Variants in HLTF observed in about 807,000 individuals in gnomAD.
The protein encoded by HLTF is helicase like transcription factor.
Under a neutral mutation model 129.4 loss-of-function variants are expected in HLTF, and 127 were observed. That is an observed-to-expected ratio of 0.98 (90% CI 0.85 to 1.14). The LOEUF (loss-of-function observed/expected upper bound fraction) is 1.14. Ranked by LOEUF, HLTF falls within the 50% of genes most tolerant of loss-of-function variation. The pLI is 0.00. For synonymous variants in HLTF, 332 were observed against 388.8 expected (o/e 0.85, Z 1.72); for missense variants, 1,139 against 1,187.1 (o/e 0.96, Z 0.60).
At chr3:149,034,842 ATATAT>A (rs1177138345) in intron 24 of HLTF, 71 bp downstream of exon 24, 5 of 919,050 alleles carry the variant, frequency 5.4e-6, no homozygotes, top group Non-Finnish European at 9.0e-6. Flanking sequence ...AATCATAATA[ATATAT>A]TCATGCATTA....
intron 20 of HLTF, among the ~76,000 whole-genome samples, chr3:149,040,750 TG>T (rs1231926560): frequency 1.3e-5 from 2 of 152,208 alleles, no homozygotes; most frequent in East Asian, 3.9e-4. Flanking sequence ...GGGTTACTTT[TG>T]GGGAAGAGGG....
rs1268903180 is a variant in HLTF at position 149,055,166 on chromosome 3, CTGA to C, written c.1473+134_1473+136del. 8.9e-6 allele frequency: 5 copies of C among 561,232 alleles called. No homozygotes were observed. The East Asian group carries it at 1.2e-4, about 14-fold the overall frequency. 34.8% of individuals were successfully genotyped at this position (561,232 alleles called of 1,614,324 possible). A position where few individuals can be genotyped will look rare whatever the true frequency, so the allele number is the denominator to read the frequency against. On this transcript the variant is annotated intron_variant, in intron 14 of 24. Transcript: ENST00000310053. ...ATTCAGCAAACATAATCCAATTCAC[CTGA>C]TGATTATTTGAACTTAGATACGAAC...
At chr3:149,076,644 T>C (rs1719380656) in intron 2 of HLTF, among the ~76,000 whole-genome samples, 1 of 152,154 alleles carries the variant, frequency 6.6e-6, no homozygotes, top group Non-Finnish European at 1.5e-5. Context: ...GAAAAATATA[T>C]CCAGCCTTCA....
chr3:149,049,050 G>A, intron 15 of HLTF, 49 bp from the exon 16 acceptor site: 1 of 1,278,616 alleles, frequency 7.8e-7, no homozygotes, highest in South Asian at 1.3e-5. Context: ...AAGTAAAATA[G>A]TACTTAATAT....
intron 2 of HLTF, among the ~76,000 whole-genome samples, chr3:149,076,997 C>A (rs930023086): frequency 1.3e-5 from 2 of 152,070 alleles, no homozygotes; most frequent in Non-Finnish European, 2.9e-5. Context: ...GCTCACGCCC[C>A]CAGCACTTTG....
Position 149,084,827 on chromosome 3 carries a change from A to G in HLTF, c.83T>C (p.Leu28Pro). 6.2e-7 allele frequency: 1 copy of G among 1,614,102 alleles called. No individual in the cohort carries two copies. The highest frequency in any genetic ancestry group is 8.5e-7 in the Non-Finnish European group (1 of 1,179,978). ...ACGTGGAAAGAAAGTTGGATATGAG[A>G]GGCGTGGAAAATTTCCATGAACTCC... ...QYGVHGNFPR[L>P]SYPTFFPRFE... Residue 28 changes from leucine (L) to proline (P), a missense_variant, in exon 2 of 25, where the codon CTC becomes CCC. Coordinates refer to ENST00000310053, the MANE Select transcript of HLTF (RefSeq NM_003071.4).
rs544761589 is a variant in HLTF, at chr3:149,083,082, T to A, written c.228+1600A>T. ...GCCTGACCAACATGGCAAAACCTCATCTCTCCTAAATACAAAAAATTAGCT... is the reference window on the plus strand; with the variant it reads ...GCCTGACCAACATGGCAAAACCTCAACTCTCCTAAATACAAAAAATTAGCT... On this transcript the variant is annotated intron_variant, in intron 2 of 24. Coordinates refer to ENST00000310053, the MANE Select transcript of HLTF (RefSeq NM_003071.4). Among the ~76,000 whole-genome samples the A allele has an allele frequency of 1.3e-4, 20 of 152,060 alleles. No homozygotes were observed. The South Asian group carries it at 3.7e-3, about 28-fold the overall frequency.
In HLTF at chr3:149,039,214, C is replaced by T; in HGVS notation, c.2631G>A (p.Val877=). ...IEIPLKASGF[V]FTRLDGSMAQ... is the part of the protein sequence containing the mutation. The stretch of plus-strand genomic sequence containing the variant: ...CCATGGAACCATCCAAACGAGTAAA[C>T]ACAAATCCAGAGGCTCTAAAGGGGG... Residue 877 remains valine (V), a synonymous_variant, in exon 23 of 25, where the codon GTG becomes GTA. Transcript: ENST00000310053. 1 of 1,572,298 alleles carries T rather than the reference C, an allele frequency of 6.4e-7. No individual in the cohort carries two copies. The highest frequency in any genetic ancestry group is 8.6e-7 in the Non-Finnish European group (1 of 1,160,330).
chr3:149,053,247 C>T (rs1430435330), intron 14 of HLTF, among the ~76,000 whole-genome samples: 1 of 152,186 alleles, frequency 6.6e-6, no homozygotes, highest in Non-Finnish European at 1.5e-5. Flanking sequence ...GAAATGTAAT[C>T]TCCAGAGTTG....
intron 23 of HLTF, among the ~76,000 whole-genome samples, chr3:149,037,500 A>G (rs1024825549): frequency 6.6e-6 from 1 of 151,790 alleles, no homozygotes. Context: ...AGAAAATACA[A>G]CAGACCATAC....
intron 10 of HLTF, 104 bp from the exon 11 acceptor site, chr3:149,060,962 T>A: frequency 1.3e-6 from 1 of 756,780 alleles, no homozygotes; most frequent in Non-Finnish European, 2.1e-6. Flanking sequence ...TCCTACTCAT[T>A]TATTTTTTGA....
intron 24 of HLTF, among the ~76,000 whole-genome samples, chr3:149,033,026 C>T (rs78965174): frequency 0.072 from 10,708 of 149,014 alleles, 458 homozygotes; most frequent in South Asian, 0.15. Context: ...GTATAATTCA[C>T]AACACTAACA....
rs1717336086 is a variant in HLTF at position 149,055,363 on chromosome 3, A to G, written c.1413T>C (p.Val471=). Residue 471 remains valine (V), a synonymous_variant, in exon 14 of 25, where the codon GTT becomes GTC. Transcript: ENST00000310053. ...TCAGTGTTGTTCTTGGTCTCTCCTC[A>G]ACATCAGTTTTCTTTGACCCCTCCA... ...CAVEGSKKTD[V]EERPRTTLII... The G allele has an allele frequency of 1.2e-6, 2 of 1,613,992 alleles. No individual in the cohort carries two copies.
At chr3:149,033,731 T>A (rs1209433927) in intron 24 of HLTF, among the ~76,000 whole-genome samples, 2 of 152,078 alleles carry the variant, frequency 1.3e-5, no homozygotes, top group African/African-American at 4.8e-5. Flanking sequence ...CTTAGACTCA[T>A]GTCACAAATC....
intron 1 of HLTF, among the ~76,000 whole-genome samples, chr3:149,085,581 C>G (rs763793756): frequency 6.6e-6 from 1 of 152,098 alleles, no homozygotes; most frequent in Non-Finnish European, 1.5e-5. Context: ...TATTAATGTA[C>G]CAGAAGTTGT....
chr3:149,082,275 G>A (rs1366510010), intron 2 of HLTF, among the ~76,000 whole-genome samples: 1 of 152,098 alleles, frequency 6.6e-6, no homozygotes, highest in African/African-American at 2.4e-5. Context: ...TGGCTAACAC[G>A]GTGAAACCCC....
In HLTF at chr3:149,036,297, G is replaced by GTTTTTTTTTTTTTTTTT. The variant is rs71135656; in HGVS notation, c.2797-1300_2797-1299insAAAAAAAAAAAAAAAAA. 1.9e-4 allele frequency among the ~76,000 whole-genome samples: 20 copies of GTTTTTTTTTTTTTTTTT among 107,972 alleles called. 2 individuals carry two copies. Among genetic ancestry groups the GTTTTTTTTTTTTTTTTT allele is most frequent in the Admixed American group, 4.5e-4 (4 of 8,808 alleles). The allele number at this position is 107,972 out of a possible 152,430, so 70.8% of individuals were successfully genotyped here. On this transcript the variant is annotated intron_variant, in intron 23 of 24. Transcript: ENST00000310053. ...TTAAATTTTAAATTAAAACTATGAGGTTTTTTTTTTGAGATGGAGTCTCGC... is the reference window on the plus strand; with the variant it reads ...TTAAATTTTAAATTAAAACTATGAGGTTTTTTTTTTTTTTTTTTTTTTTTTTTGAGATGGAGTCTCGC...
chr3:149,049,035 C>T (rs373502586), intron 15 of HLTF, 34 bp from the exon 16 acceptor site: 19 of 1,444,184 alleles, frequency 1.3e-5, no homozygotes, highest in South Asian at 8.4e-5. Flanking sequence ...TTAAAAAACA[C>T]AGGAAAGTAA....
Position 149,070,074 on chromosome 3 carries a change from A to T in HLTF, c.894+1178T>A, listed in dbSNP as rs529705789. Among the ~76,000 whole-genome samples, 3 of 152,026 alleles carry T rather than the reference A, an allele frequency of 2.0e-5. No homozygotes were observed. In the South Asian group the frequency reaches 6.2e-4, roughly 31 times the overall value. On this transcript the variant is annotated intron_variant, in intron 7 of 24. Coordinates refer to ENST00000310053, the MANE Select transcript of HLTF (RefSeq NM_003071.4). ...TATTCATTCAATGAGCAAGATACAC[A>T]AATAGATTTTAACAAAACAGGGTAT...
Sources: allele counts gnomAD v4.1 joint callset (sites outside exome capture counted in the v4.1 genomes callset), GRCh38; gene constraint gnomAD v4.1.1; transcripts MANE v1.5; gene names NCBI Gene and HGNC (gene_info 2026-07-23, HGNC 2026-07-21).